MAP2: variants seen among roughly 807,000 people sequenced by gnomAD.
MAP2 encodes the protein microtubule-associated protein 2.
MAP2 carries 14 observed loss-of-function variants against 137.6 expected under a neutral mutation model. The observed-to-expected ratio is 0.10, with a 90% CI of 0.07 to 0.16. The LOEUF (loss-of-function observed/expected upper bound fraction) is 0.16. MAP2 is among the 10% of genes least tolerant of loss of function. The pLI, the probability that MAP2 is intolerant of heterozygous loss-of-function variation, is 1.00. For missense variants in MAP2, 2,088 were observed against 2,191.5 expected (o/e 0.95, Z 0.94); for synonymous variants, 786 against 782.3 (o/e 1.00, Z -0.08).
intron 1 of MAP2, among the ~76,000 whole-genome samples, chr2:209,454,611 A>G (rs1337513824): frequency 6.6e-6 from 1 of 152,220 alleles, no homozygotes; most frequent in African/African-American, 2.4e-5. Flanking sequence ...TGCTGGGATT[A>G]CAGGCATGAG....
In MAP2 at chr2:209,435,996, ACT is replaced by A. The variant is rs1437019640; in HGVS notation, c.-222+11721_-222+11722del. 2.7e-4 allele frequency among the ~76,000 whole-genome samples: 19 copies of A among 70,282 alleles called. 2 individuals carry two copies. The highest frequency in any genetic ancestry group is 9.0e-4 in the African/African-American group (5 of 5,568). 46.1% of individuals were successfully genotyped at this position (70,282 alleles called of 152,430 possible). On this transcript the variant is annotated intron_variant, in intron 1 of 15. Coordinates refer to ENST00000682079, the MANE Select transcript of MAP2 (RefSeq NM_001375505.1). Reference sequence around the variant, plus strand: ...ATAATATATACAGTATATATTATATACTATATATACAGTATATATTATATATA... The same window carrying A: ...ATAATATATACAGTATATATTATATAATATATACAGTATATATTATATATA...
intron 4 of MAP2, among the ~76,000 whole-genome samples, chr2:209,627,484 G>A (rs751387832): frequency 2.0e-5 from 3 of 152,076 alleles, no homozygotes; most frequent in Non-Finnish European, 4.4e-5. Flanking sequence ...GGTCAGAAAT[G>A]CATTACCATT....
chr2:209,679,331 A>G (rs1174428273), intron 6 of MAP2, among the ~76,000 whole-genome samples: 1 of 77,524 alleles, frequency 1.3e-5, no homozygotes, highest in Admixed American at 1.1e-4. Flanking sequence ...TCATAGATAG[A>G]TAGATAGATA....
At chr2:209,433,089 T>C (rs1422824595) in intron 1 of MAP2, among the ~76,000 whole-genome samples, 1 of 152,144 alleles carries the variant, frequency 6.6e-6, no homozygotes, top group Non-Finnish European at 1.5e-5. Context: ...TAATATTTAG[T>C]AGGCACTTTT....
At chr2:209,669,021 T>C (rs1343312698) in intron 5 of MAP2, among the ~76,000 whole-genome samples, 1 of 152,096 alleles carries the variant, frequency 6.6e-6, no homozygotes, top group Non-Finnish European at 1.5e-5. Flanking sequence ...ACTTTTAAAG[T>C]CTGTCAAGTC....
intron 5 of MAP2, among the ~76,000 whole-genome samples, chr2:209,666,734 A>G (rs2046473863): frequency 6.6e-6 from 1 of 152,004 alleles, no homozygotes; most frequent in African/African-American, 2.4e-5. Context: ...GATACGTTTG[A>G]ATTTAATTTT....
chr2:209,461,693 G>A (rs938550073), intron 1 of MAP2, among the ~76,000 whole-genome samples: 5 of 151,900 alleles, frequency 3.3e-5, no homozygotes, highest in African/African-American at 4.8e-5. Context: ...CAGGTGATCC[G>A]CCCCCTGGGC....
chr2:209,473,900 T>G (rs1016293179), intron 1 of MAP2, among the ~76,000 whole-genome samples: 9 of 152,202 alleles, frequency 5.9e-5, no homozygotes, highest in Non-Finnish European at 1.3e-4. Context: ...TATCACATAT[T>G]ACTTCTTAAG....
chr2:209,512,166 T>C (rs1350404579), intron 2 of MAP2, among the ~76,000 whole-genome samples: 1 of 152,138 alleles, frequency 6.6e-6, no homozygotes, highest in African/African-American at 2.4e-5. Context: ...ATTATGAGTC[T>C]TAAAAATTGT....
At chr2:209,688,211 G>C (rs990249089) in intron 7 of MAP2, among the ~76,000 whole-genome samples, 1 of 152,120 alleles carries the variant, frequency 6.6e-6, no homozygotes, top group African/African-American at 2.4e-5. Flanking sequence ...GAAAAAGAGA[G>C]AGAGAAAGAG....
chr2:209,600,105 T>TGAA (rs2082540803), intron 3 of MAP2, among the ~76,000 whole-genome samples: 1 of 152,162 alleles, frequency 6.6e-6, no homozygotes, highest in Non-Finnish European at 1.5e-5. Context: ...AAAGGAGCAT[T>TGAA]GAAGGGACTG....
chr2:209,579,618 C>T (rs1332596139), intron 2 of MAP2: 3 of 152,254 alleles, frequency 2.0e-5, no homozygotes, highest in Non-Finnish European at 4.4e-5. Context: ...CACACAGACA[C>T]GAGCTGGTGG....
At chr2:209,683,876 T>C (rs906884273) in intron 7 of MAP2, among the ~76,000 whole-genome samples, 2 of 152,194 alleles carry the variant, frequency 1.3e-5, no homozygotes, top group Non-Finnish European at 2.9e-5. Flanking sequence ...TTATCAAACT[T>C]TTTAAAGCTG....
intron 4 of MAP2, among the ~76,000 whole-genome samples, chr2:209,637,574 T>C (rs1199690164): frequency 6.6e-6 from 1 of 151,856 alleles, no homozygotes; most frequent in Admixed American, 6.6e-5. Context: ...AAAAGAAAAA[T>C]GGGAGCGATC....
At chr2:209,602,358 T>C (rs772823158) in intron 3 of MAP2, among the ~76,000 whole-genome samples, 9 of 152,324 alleles carry the variant, frequency 5.9e-5, no homozygotes, top group South Asian at 2.1e-4. Context: ...TGCAAAGGTA[T>C]ACTTGGCTAC....
chr2:209,551,701 G>A (rs1041074337), intron 2 of MAP2, among the ~76,000 whole-genome samples: 10 of 152,126 alleles, frequency 6.6e-5, no homozygotes, highest in African/African-American at 2.4e-4. Flanking sequence ...GTACCGAAAT[G>A]TTCTCTCTGT....
chr2:209,513,058 A>G (rs1401799503), intron 2 of MAP2, among the ~76,000 whole-genome samples: 1 of 152,162 alleles, frequency 6.6e-6, no homozygotes, highest in East Asian at 1.9e-4. Flanking sequence ...TAAACAGCAT[A>G]TTGCACAATT....
At chr2:209,546,510 G>A (rs1187807577) in intron 2 of MAP2, among the ~76,000 whole-genome samples, 1 of 152,070 alleles carries the variant, frequency 6.6e-6, no homozygotes, top group African/African-American at 2.4e-5. Context: ...ATGTTAATTG[G>A]GTCTGCCCTT....
intron 3 of MAP2, among the ~76,000 whole-genome samples, chr2:209,604,744 A>T (rs2084099191): frequency 6.6e-6 from 1 of 152,218 alleles, no homozygotes; most frequent in Non-Finnish European, 1.5e-5. Context: ...CTTAAGCAAG[A>T]ATAACAAATA....
Sources: gnomAD v4.1 joint callset for allele counts (sites outside exome capture counted in the v4.1 genomes callset) on GRCh38, gnomAD v4.1.1 for gene constraint, MANE v1.5 for transcripts, NCBI Gene and HGNC (gene_info 2026-07-23, HGNC 2026-07-21) for gene names.